The following IL4I1 variants were observed in gnomAD, a reference collection of about 807,000 sequenced individuals.
The protein encoded by IL4I1 is L-amino-acid oxidase.
In IL4I1, 24 loss-of-function variants were observed where a neutral mutation model predicts 29.7. That is an observed-to-expected ratio of 0.81 (90% CI 0.59 to 1.14). The LOEUF is 1.14. Ranked by LOEUF, IL4I1 falls within the 50% of genes most tolerant of loss-of-function variation. The pLI is 0.00. For missense variants in IL4I1, 686 were observed against 785.6 expected (o/e 0.87, Z 1.52); for synonymous variants, 371 against 352.5 (o/e 1.05, Z -0.59).
intron 1 of IL4I1, chr19:49,927,946 A>C (rs2075945483): frequency 1.3e-5 from 2 of 152,282 alleles, no homozygotes; most frequent in East Asian, 3.8e-4. Flanking sequence ...GTTGGGAGAT[A>C]GTTCCTATCC....
chr19:49,919,898 G>A (rs1161827154), intron 2 of IL4I1, among the ~76,000 whole-genome samples: 2 of 151,980 alleles, frequency 1.3e-5, no homozygotes, highest in Admixed American at 1.3e-4. Flanking sequence ...TGTATTGAAA[G>A]TTTTTTCCCC....
At chr19:49,920,766 A>C (rs187047008) in intron 2 of IL4I1, among the ~76,000 whole-genome samples, 276 of 152,340 alleles carry the variant, frequency 1.8e-3, no homozygotes, top group African/African-American at 6.2e-3. Context: ...GGCACAGGAC[A>C]TCAAGGCCTG....
In IL4I1 at chr19:49,895,972, G is replaced by A. The variant is rs1364045269; in HGVS notation, c.95C>T (p.Pro32Leu). The A allele has an allele frequency of 3.7e-6, 6 of 1,614,196 alleles. No homozygotes were observed. Among genetic ancestry groups the A allele is most frequent in the South Asian group, 1.1e-5 (1 of 91,080 alleles). The change falls in exon 3 of 8, where the codon CCC (proline) becomes CTC (leucine). Residue 32 changes from proline (P) to leucine (L), a missense_variant. Coordinates refer to ENST00000391826, the MANE Select transcript of IL4I1 (RefSeq NM_152899.2). ...QDWKAERSQD[P>L]FEKCMQDPDY... Reference sequence around the variant, plus strand: ...AGGATCCTGCATGCATTTCTCGAAGGGGTCTTGGCTGCGTTCAGCCTTCCA... The same window carrying A: ...AGGATCCTGCATGCATTTCTCGAAGAGGTCTTGGCTGCGTTCAGCCTTCCA...
chr19:49,895,267 CCTT>C (rs2075192169), intron 3 of IL4I1, 87 bp from the exon 4 acceptor site: 1 of 1,056,580 alleles, frequency 9.5e-7, no homozygotes, highest in African/African-American at 1.6e-5. Flanking sequence ...CAGCCCCCTG[CCTT>C]CTTCCATCCC....
At position 49,921,077 on chromosome 19, in the gene IL4I1, G is replaced by A. The variant is rs574473888; in HGVS notation, c.-228+6617C>T. 2.4e-4 allele frequency among the ~76,000 whole-genome samples: 36 copies of A among 152,240 alleles called. No homozygotes were observed. The highest frequency in any genetic ancestry group is 8.4e-4 in the African/African-American group (35 of 41,528). On this transcript the variant is annotated intron_variant, in intron 2 of 9. Coordinates refer to the IL4I1 transcript ENST00000341114. The surrounding 1 kb of genome is among the most constrained non-coding windows in gnomAD (Gnocchi z 5.4). The stretch of plus-strand genomic sequence containing the variant: ...AAACACAGCCCCTTCCTGCCTCGGC[G>A]GACATCTCCACACCCACATTTCATG...
chr19:49,906,303 G>A (rs578174359), intron 2 of IL4I1, among the ~76,000 whole-genome samples: 4 of 152,250 alleles, frequency 2.6e-5, no homozygotes, highest in Admixed American at 2.0e-4. Context: ...CAAAGGCCTG[G>A]GCTTAAATGA....
intron 2 of IL4I1, among the ~76,000 whole-genome samples, chr19:49,919,873 T>C (rs1381656715): frequency 6.6e-6 from 1 of 152,150 alleles, no homozygotes; most frequent in Non-Finnish European, 1.5e-5. Flanking sequence ...GCCAATAACT[T>C]TTATTTCTTA....
chr19:49,895,607 G>A (rs376645010), intron 3 of IL4I1, among the ~76,000 whole-genome samples: 3 of 152,142 alleles, frequency 2.0e-5, no homozygotes, highest in Admixed American at 6.5e-5. Flanking sequence ...GATGAAAAAC[G>A]TGGGACAGGA....
At chr19:49,902,615 G>A (rs2075281105) in intron 3 of IL4I1, among the ~76,000 whole-genome samples, 1 of 151,960 alleles carries the variant, frequency 6.6e-6, no homozygotes, top group African/African-American at 2.4e-5. Flanking sequence ...ATCACCTGAG[G>A]TCAGGAGCTC....
Position 49,896,849 on chromosome 19 carries a change from G to A in IL4I1, c.-37C>T. ...CGTGTCACTACCTCCAGCTCTTGGTGACAGCAGGACAGCGCGGTCCTCTCC... is the reference window on the plus strand; with the variant it reads ...CGTGTCACTACCTCCAGCTCTTGGTAACAGCAGGACAGCGCGGTCCTCTCC... On this transcript the variant is annotated 5_prime_UTR_variant, in exon 1 of 8. Transcript: ENST00000391826. 2 of 985,912 alleles carry A rather than the reference G, an allele frequency of 2.0e-6. No individual in the cohort carries two copies. The highest frequency in any genetic ancestry group is 5.2e-4 in the Middle Eastern group (1 of 1,918). 61.1% of individuals were successfully genotyped at this position (985,912 alleles called of 1,614,324 possible).
At position 49,912,643 on chromosome 19, in the gene IL4I1, C is replaced by T. The variant is rs372946630; in HGVS notation, c.-227-8322G>A. On this transcript the variant is annotated intron_variant, in intron 2 of 9. Transcript: ENST00000341114. ...CTTTGGGAGGCTGAGGTGGGGGGATCGCTTGAGCCCAGGAACTCGAGAACA... is the reference window on the plus strand; with the variant it reads ...CTTTGGGAGGCTGAGGTGGGGGGATTGCTTGAGCCCAGGAACTCGAGAACA... Among the ~76,000 whole-genome samples the T allele has an allele frequency of 1.6e-4, 24 of 152,202 alleles. No homozygotes were observed. In the South Asian group the frequency reaches 1.9e-3, roughly 12 times the overall value.
In IL4I1 at chr19:49,909,227, G is replaced by A. The variant is rs767155802; in HGVS notation, c.-227-4906C>T. On this transcript the variant is annotated intron_variant, in intron 2 of 9. Transcript: ENST00000341114. ...GGCACCTGCTGTGGTGGCTGCTGGCGTGGCCGGAGTGAAGGGCAACGTGGC... is the reference window on the plus strand; with the variant it reads ...GGCACCTGCTGTGGTGGCTGCTGGCATGGCCGGAGTGAAGGGCAACGTGGC... The A allele has an allele frequency of 7.6e-5, 123 of 1,614,034 alleles. 1 individual carries two copies. Among genetic ancestry groups the A allele is most frequent in the Middle Eastern group, 3.3e-4 (2 of 6,082 alleles).
rs376440086 is a variant in IL4I1 at position 49,913,859 on chromosome 19, T to C, written c.-227-9538A>G. ...CCATGCTAACGGTTCGGGCGTTATA[T>C]TGAGGGAGCCACAGGCGGACTTTAT... is the stretch of plus-strand genomic sequence containing the variant. On this transcript the variant is annotated intron_variant, in intron 2 of 9. Coordinates refer to the IL4I1 transcript ENST00000341114. Among the ~76,000 whole-genome samples, 42 of 152,096 alleles carry C rather than the reference T, an allele frequency of 2.8e-4. 3 individuals are homozygous for C. In the South Asian group the frequency reaches 6.6e-3, roughly 24 times the overall value.
chr19:49,921,742 G>A lies in IL4I1; in HGVS notation c.-228+5952C>T, dbSNP rs761578818. ...TGAGGCCCTCCCACCATGGTTCCCC[G>A]CCTCTGCCTCTCCCCGCAGCTCCGA... On this transcript the variant is annotated intron_variant, in intron 2 of 9. Coordinates refer to the IL4I1 transcript ENST00000341114. This position sits in a 1 kb window ranked among gnomAD's most constrained non-coding sequence, Gnocchi z 5.4. Among the ~76,000 whole-genome samples the A allele has an allele frequency of 1.3e-4, 20 of 152,246 alleles. No individual in the cohort carries two copies. The highest frequency in any genetic ancestry group is 8.5e-4 in the Admixed American group (13 of 15,304).
chr19:49,894,498 C>T (rs746197073), intron 4 of IL4I1, 29 bp from the exon 5 acceptor site: 32 of 1,292,456 alleles, frequency 2.5e-5, no homozygotes, highest in South Asian at 6.4e-5. Flanking sequence ...GAGTGAGGGC[C>T]GGGCTCCAGT....
chr19:49,910,757 A>T (rs1381946520), intron 2 of IL4I1, among the ~76,000 whole-genome samples: 1 of 151,872 alleles, frequency 6.6e-6, no homozygotes, highest in Non-Finnish European at 1.5e-5. Context: ...ACCCCAGAAG[A>T]CCCATGGGCC....
intron 6 of IL4I1, 34 bp downstream of exon 6, chr19:49,891,371 C>T (rs117015420): frequency 0.02 from 31,966 of 1,606,008 alleles, 742 homozygotes; most frequent in South Asian, 0.079. Context: ...CTCTCTTTGC[C>T]CTGCATCTCA....
At chr19:49,894,864 G>A (rs2075184664) in intron 4 of IL4I1, among the ~76,000 whole-genome samples, 1 of 152,074 alleles carries the variant, frequency 6.6e-6, no homozygotes, top group Non-Finnish European at 1.5e-5. Flanking sequence ...GCCAGCTGGA[G>A]GTCTGGTTGG....
At chr19:49,892,212 G>A (rs771631180) in intron 5 of IL4I1, among the ~76,000 whole-genome samples, 3 of 151,010 alleles carry the variant, frequency 2.0e-5, no homozygotes, top group African/African-American at 7.3e-5. Flanking sequence ...CTCCCAAGTA[G>A]CTGGGATTAC....
Sources: gnomAD v4.1 joint callset for allele counts (sites outside exome capture counted in the v4.1 genomes callset) on GRCh38, gnomAD v4.1.1 for gene constraint, Gnocchi (gnomAD v3.1) non-coding constraint, MANE v1.5 for transcripts, NCBI Gene and HGNC (gene_info 2026-07-23, HGNC 2026-07-21) for gene names.